The following CRPPA variants were observed in gnomAD, a reference collection of about 807,000 sequenced individuals.
The protein encoded by CRPPA is D-ribitol-5-phosphate cytidylyltransferase.
In CRPPA, 43 loss-of-function variants were observed where a neutral mutation model predicts 52.0. That is an observed-to-expected ratio of 0.83 (90% CI 0.65 to 1.07). The LOEUF (loss-of-function observed/expected upper bound fraction) is 1.07, where lower values mean the gene tolerates loss of function less well. Among genes scored for constraint, CRPPA ranks in the 50% least tolerant of loss-of-function variants. The pLI is 0.00. For synonymous variants in CRPPA, 250 were observed against 203.5 expected, an observed-to-expected ratio of 1.23 and a Z score of -1.94; for missense variants, 629 against 551.7, an observed-to-expected ratio of 1.14 and a Z score of -1.40.
intron 9 of CRPPA, among the ~76,000 whole-genome samples, chr7:16,121,927 G>A (rs150709153): frequency 2.3e-3 from 353 of 152,116 alleles, no homozygotes; most frequent in East Asian, 0.012. Context: ...TTTCTCTGCC[G>A]ACATGTTTTC....
intron 9 of CRPPA, among the ~76,000 whole-genome samples, chr7:16,101,603 G>T (rs1782046781): frequency 6.6e-6 from 1 of 151,338 alleles, no homozygotes; most frequent in Non-Finnish European, 1.5e-5. Flanking sequence ...AAAAAAAACA[G>T]CTCCTGGATT....
At chr7:16,402,193 G>C (rs1787834542) in intron 2 of CRPPA, among the ~76,000 whole-genome samples, 1 of 152,218 alleles carries the variant, frequency 6.6e-6, no homozygotes, top group African/African-American at 2.4e-5. Flanking sequence ...CTTGGCTTGG[G>C]ATCTTGAAGG....
intron 2 of CRPPA, among the ~76,000 whole-genome samples, chr7:16,382,863 C>A (rs1481897307): frequency 1.3e-5 from 2 of 152,144 alleles, no homozygotes; most frequent in Non-Finnish European, 2.9e-5. Context: ...AAGCACTTCT[C>A]TGTATTGGTT....
At chr7:16,316,962 G>A (rs760704920) in intron 3 of CRPPA, among the ~76,000 whole-genome samples, 1 of 152,074 alleles carries the variant, frequency 6.6e-6, no homozygotes. Flanking sequence ...GGCTACCATC[G>A]TGATAAACAC....
intron 2 of CRPPA, among the ~76,000 whole-genome samples, chr7:16,382,188 TG>T (rs1787113171): frequency 6.6e-6 from 1 of 152,132 alleles, no homozygotes; most frequent in African/African-American, 2.4e-5. Context: ...GCGGGCCTGG[TG>T]GTGACAAAAT....
At chr7:16,391,223 A>G (rs1276104310) in intron 2 of CRPPA, among the ~76,000 whole-genome samples, 1 of 152,170 alleles carries the variant, frequency 6.6e-6, no homozygotes, top group East Asian at 1.9e-4. Context: ...CTACACAAAC[A>G]TGAACTCTAT....
At chr7:16,348,825 C>G (rs1203698865) in intron 3 of CRPPA, among the ~76,000 whole-genome samples, 1 of 152,190 alleles carries the variant, frequency 6.6e-6, no homozygotes. Context: ...TCTACCCACT[C>G]TTCTTAGAGT....
At chr7:16,275,093 TG>T (rs917952218) in intron 6 of CRPPA, among the ~76,000 whole-genome samples, 1 of 151,262 alleles carries the variant, frequency 6.6e-6, no homozygotes, top group African/African-American at 2.4e-5. Context: ...ATAATATTAG[TG>T]GGTAGGGATA....
At chr7:16,404,735 T>A (rs182264001) in intron 2 of CRPPA, among the ~76,000 whole-genome samples, 4 of 152,154 alleles carry the variant, frequency 2.6e-5, no homozygotes, top group African/African-American at 9.7e-5. Flanking sequence ...ATTCTTAAGT[T>A]GTAAATCCTC....
At chr7:16,367,420 T>C (rs189147284) in intron 3 of CRPPA, among the ~76,000 whole-genome samples, 2 of 152,336 alleles carry the variant, frequency 1.3e-5, no homozygotes, top group Admixed American at 1.3e-4. Flanking sequence ...GTTGTAATGC[T>C]TGGTGAATAT....
At chr7:16,219,323 GC>G (rs1184749320) in intron 8 of CRPPA, among the ~76,000 whole-genome samples, 1 of 143,712 alleles carries the variant, frequency 7.0e-6, no homozygotes, top group Non-Finnish European at 1.5e-5. Context: ...AGCACTAAAT[GC>G]CCACAAGAGA....
intron 9 of CRPPA, among the ~76,000 whole-genome samples, chr7:16,111,030 G>A (rs1782252765): frequency 6.7e-6 from 1 of 149,788 alleles, no homozygotes; most frequent in Non-Finnish European, 1.5e-5. Flanking sequence ...CCAATAAGAG[G>A]TTAATATTTA....
chr7:16,250,760 A>T (rs1783425914), intron 8 of CRPPA, among the ~76,000 whole-genome samples: 1 of 152,216 alleles, frequency 6.6e-6, no homozygotes, highest in Non-Finnish European at 1.5e-5. Flanking sequence ...GTTACCAGCC[A>T]TTGCAAAAAC....
chr7:16,292,707 T>G (rs1274372152), intron 5 of CRPPA, among the ~76,000 whole-genome samples: 1 of 151,962 alleles, frequency 6.6e-6, no homozygotes, highest in Non-Finnish European at 1.5e-5. Context: ...AATACATGAT[T>G]CAACAAAATG....
At chr7:16,305,163 G>T (rs1416751778) in intron 4 of CRPPA, among the ~76,000 whole-genome samples, 1 of 151,946 alleles carries the variant, frequency 6.6e-6, no homozygotes, top group East Asian at 1.9e-4. Flanking sequence ...ATCAAAAGGG[G>T]TTAAATAATT....
At chr7:16,193,266 T>C (rs531679989) in intron 9 of CRPPA, among the ~76,000 whole-genome samples, 1 of 152,250 alleles carries the variant, frequency 6.6e-6, no homozygotes, top group African/African-American at 2.4e-5. Flanking sequence ...TACACTTATA[T>C]TCCTCTTTTA....
rs1783950646 is a variant in CRPPA, at chr7:16,266,278, T to C, written c.934-7266A>G. 2.6e-5 allele frequency: 4 copies of C among 152,144 alleles called. No homozygotes were observed. In the South Asian group the frequency reaches 8.3e-4, roughly 32 times the overall value. 9.4% of individuals were successfully genotyped at this position (152,144 alleles called of 1,614,324 possible). ...CTTCTGACCCACTGCATTAAACGTGTGCTGAGCAGTTGGTGGTAGAAGACA... is the reference window on the plus strand; with the variant it reads ...CTTCTGACCCACTGCATTAAACGTGCGCTGAGCAGTTGGTGGTAGAAGACA... On this transcript the variant is annotated intron_variant, in intron 6 of 9. Transcript: ENST00000407010.
intron 9 of CRPPA, among the ~76,000 whole-genome samples, chr7:16,195,890 A>G (rs1301143100): frequency 6.6e-6 from 1 of 152,080 alleles, no homozygotes; most frequent in African/African-American, 2.4e-5. Flanking sequence ...CTCTGCATCC[A>G]AAGCTGAGGA....
At chr7:16,273,635 C>T (rs1163627008) in intron 6 of CRPPA, among the ~76,000 whole-genome samples, 1 of 152,104 alleles carries the variant, frequency 6.6e-6, no homozygotes, top group Admixed American at 6.5e-5. Context: ...ACTGATGCAG[C>T]CTGATTCCTC....
Sources: allele counts gnomAD v4.1 joint callset (sites outside exome capture counted in the v4.1 genomes callset), GRCh38; gene constraint gnomAD v4.1.1; transcripts MANE v1.5; gene names NCBI Gene and HGNC (gene_info 2026-07-23, HGNC 2026-07-21).